AOC2: variants seen among roughly 807,000 people sequenced by gnomAD.
AOC2 encodes amine oxidase copper containing 2.
Under a neutral mutation model 53.8 loss-of-function variants are expected in AOC2, and 57 were observed. That is an observed-to-expected ratio of 1.06 (90% CI 0.86 to 1.32). The LOEUF (loss-of-function observed/expected upper bound fraction) is 1.32, where lower values mean the gene tolerates loss of function less well. Among genes scored for constraint, AOC2 ranks in the 40% most tolerant of loss-of-function variants. The pLI, the probability that AOC2 is intolerant of heterozygous loss-of-function variation, is 0.00. For missense variants in AOC2, 1,008 were observed against 957.2 expected, an observed-to-expected ratio of 1.05 and a Z score of -0.70; for synonymous variants, 404 against 399.0, an observed-to-expected ratio of 1.01 and a Z score of -0.15.
intron 1 of AOC2, among the ~76,000 whole-genome samples, chr17:42,846,935 CCT>C (rs2055604327): frequency 1.3e-5 from 2 of 152,200 alleles, no homozygotes; most frequent in South Asian, 4.1e-4. Flanking sequence ...CTCACCAGAC[CCT>C]CTCCATTTTA....
intron 2 of AOC2, 115 bp downstream of exon 2, chr17:42,849,486 C>T: frequency 1.3e-6 from 2 of 1,585,238 alleles, no homozygotes; most frequent in South Asian, 1.1e-5. Context: ...CCCCTCAAAC[C>T]CAAGTTAGAT....
In AOC2 at chr17:42,845,802, G is replaced by T. The variant is rs746825253; in HGVS notation, c.1176G>T (p.Leu392Phe). Residue 392 changes from leucine (L) to phenylalanine (F), a missense_variant, in exon 1 of 4, where the codon TTG (leucine) becomes TTT (phenylalanine). Coordinates refer to ENST00000253799, the MANE Select transcript of AOC2 (RefSeq NM_009590.4). ...GACTCGGCCGTAACAGCCGAGGCTT[G>T]GTGCGGGGAGTGGACTGCCCCTATC... ...SFGLGRNSRG[L>F]VRGVDCPYQA... 2 of 1,614,208 alleles carry T rather than the reference G, an allele frequency of 1.2e-6. No homozygotes were observed. The highest frequency in any genetic ancestry group is 1.7e-6 in the Non-Finnish European group (2 of 1,180,042).
In AOC2 at chr17:42,844,649, C is replaced by T. The variant is rs776084904; in HGVS notation, c.23C>T (p.Ala8Val). Residue 8 changes from alanine to valine, a missense_variant, in exon 1 of 4, where the codon GCG becomes GTG. Transcript: ENST00000253799. ...ACCATGCATCTCAAGATAGTCCTGGCGTTCCTGGCACTGTCCCTCATTACC... is the reference window on the plus strand; with the variant it reads ...ACCATGCATCTCAAGATAGTCCTGGTGTTCCTGGCACTGTCCCTCATTACC... MHLKIVL[A>V]FLALSLITIF... 2.9e-5 allele frequency: 47 copies of T among 1,612,766 alleles called. 1 individual carries two copies. The highest frequency in any genetic ancestry group is 3.8e-5 in the Non-Finnish European group (45 of 1,179,134).
chr17:42,846,658 G>T (rs2144274289), intron 1 of AOC2, among the ~76,000 whole-genome samples: 1 of 152,252 alleles, frequency 6.6e-6, no homozygotes, highest in East Asian at 1.9e-4. Flanking sequence ...TCTTCAGGGT[G>T]GGGGTCGACC....
In AOC2 at chr17:42,844,684, C is replaced by T; in HGVS notation, c.58C>T (p.Leu20=). Residue 20 remains leucine (L), a synonymous_variant, in exon 1 of 4, where the codon CTG becomes TTG. Transcript: ENST00000253799. ...LALSLITIFA[L]AYVLLTSPGG... ...ACTGTCCCTCATTACCATCTTTGCC[C>T]TGGCCTATGTTTTGCTGACCAGCCC... The T allele has an allele frequency of 6.2e-7, 1 of 1,614,230 alleles. No individual in the cohort carries two copies. Among genetic ancestry groups the T allele is most frequent in the Non-Finnish European group, 8.5e-7 (1 of 1,180,036 alleles).
intron 1 of AOC2, among the ~76,000 whole-genome samples, chr17:42,848,209 C>CA (rs1189736679): frequency 6.6e-6 from 1 of 151,484 alleles, no homozygotes; most frequent in Non-Finnish European, 1.5e-5. Flanking sequence ...GCTCAGGAGT[C>CA]AGTTTTTCAG....
chr17:42,848,671 T>G (rs1394331872), intron 1 of AOC2, among the ~76,000 whole-genome samples: 1 of 151,366 alleles, frequency 6.6e-6, no homozygotes, highest in African/African-American at 2.4e-5. Context: ...CTACCCCAGC[T>G]TCCCAAGTAA....
rs140304345 is a variant in AOC2, at chr17:42,845,940, C to A, written c.1314C>A (p.His438Gln). The change falls in exon 1 of 4, where the codon CAC becomes CAA. Residue 438 changes from histidine (H) to glutamine (Q), a missense_variant. His to Gln is a conservative substitution (Grantham distance 24, BLOSUM62 0). Transcript: ENST00000253799. ...EAQGLPLRRH[H>Q]NYLQNHFYGG... Reference sequence around the variant, plus strand: ...AGGGACTGCCCCTTCGAAGGCACCACAATTACCTTCAAAATCATTTCTATG... The same window carrying A: ...AGGGACTGCCCCTTCGAAGGCACCAAAATTACCTTCAAAATCATTTCTATG... The A allele has an allele frequency of 6.8e-6, 11 of 1,614,074 alleles. No homozygotes were observed. Among genetic ancestry groups the A allele is most frequent in the Middle Eastern group, 1.6e-4 (1 of 6,084 alleles).
rs1390376676 is a variant in AOC2, at chr17:42,844,673, C to G, written c.47C>G (p.Thr16Ser). Residue 16 changes from threonine (T) to serine (S), a missense_variant, in exon 1 of 4, where the codon ACC becomes AGC. Transcript: ENST00000253799. ...VLAFLALSLI[T>S]IFALAYVLLT... is the part of the protein sequence containing the mutation. ...GCGTTCCTGGCACTGTCCCTCATTACCATCTTTGCCCTGGCCTATGTTTTG... is the reference window on the plus strand; with the variant it reads ...GCGTTCCTGGCACTGTCCCTCATTAGCATCTTTGCCCTGGCCTATGTTTTG... The G allele has an allele frequency of 3.7e-6, 6 of 1,614,040 alleles. No individual in the cohort carries two copies. In the Admixed American group the frequency reaches 5.0e-5, roughly 13 times the overall value.
At chr17:42,848,534 T>TACATATATATATATATATATATAC (rs1567686480) in intron 1 of AOC2, among the ~76,000 whole-genome samples, 3 of 140,888 alleles carry the variant, frequency 2.1e-5, no homozygotes, top group African/African-American at 8.6e-5. Context: ...AATATATATA[T>TACATATATATATATATATATATAC]ATATATATAT....
chr17:42,846,246 G>A, intron 1 of AOC2, 32 bp downstream of exon 1: 1 of 1,501,156 alleles, frequency 6.7e-7, no homozygotes, highest in Non-Finnish European at 8.9e-7. Context: ...ATGGAGACTT[G>A]GGGGCGGGGT....
Position 42,845,942 on chromosome 17 carries a change from A to T in AOC2, c.1316A>T (p.Asn439Ile), listed in dbSNP as rs201841667. The change falls in exon 1 of 4, where the codon AAT becomes ATT. Residue 439 changes from asparagine (N) to isoleucine (I), a missense_variant. Transcript: ENST00000253799. ...AQGLPLRRHHNYLQNHFYGGL... is the reference protein window; with the variant it reads ...AQGLPLRRHHIYLQNHFYGGL... ...GGACTGCCCCTTCGAAGGCACCACAATTACCTTCAAAATCATTTCTATGGT... is the reference window on the plus strand; with the variant it reads ...GGACTGCCCCTTCGAAGGCACCACATTTACCTTCAAAATCATTTCTATGGT... 6.2e-7 allele frequency: 1 copy of T among 1,614,182 alleles called. No individual in the cohort carries two copies. The highest frequency in any genetic ancestry group is 8.5e-7 in the Non-Finnish European group (1 of 1,180,028).
chr17:42,850,170 G>A lies in AOC2; in HGVS notation c.2093G>A (p.Gly698Asp), dbSNP rs1228371410. Residue 698 changes from glycine to aspartate, a missense_variant, in exon 4 of 4, where the codon GGC becomes GAC. Coordinates refer to ENST00000253799, the MANE Select transcript of AOC2 (RefSeq NM_009590.4). The stretch of plus-strand genomic sequence containing the variant: ...ACAGTGACTCTGGGGAACAGAGTTG[G>A]CTTCTTGCTCCGACCCTATAACTTC... ...PNTVTLGNRV[G>D]FLLRPYNFFD... 1 of 1,614,168 alleles carries A rather than the reference G, an allele frequency of 6.2e-7. No homozygotes were observed. Among genetic ancestry groups the A allele is most frequent in the Non-Finnish European group, 8.5e-7 (1 of 1,180,032 alleles).
At chr17:42,848,941 G>T in intron 1 of AOC2, 145 bp from the exon 2 acceptor site, 1 of 891,440 alleles carries the variant, frequency 1.1e-6, no homozygotes, top group South Asian at 1.9e-5. Context: ...CTCTTGCCCA[G>T]ACCTCCTGGC....
At position 42,850,631 on chromosome 17, in the gene AOC2, G is replaced by T. The variant is rs779822899; in HGVS notation, c.*283G>T. The T allele has an allele frequency of 6.5e-6, 2 of 308,854 alleles. No individual in the cohort carries two copies. Among genetic ancestry groups the T allele is most frequent in the Non-Finnish European group, 1.2e-5 (2 of 170,178 alleles). 19.1% of individuals were successfully genotyped at this position (308,854 alleles called of 1,614,324 possible). ...ACATCAGACATCTCTTTATGCATGT[G>T]CATTCAAAAGGAAGAGTAGATAGAA... On this transcript the variant is annotated 3_prime_UTR_variant, in exon 4 of 4. Coordinates refer to ENST00000253799, the MANE Select transcript of AOC2 (RefSeq NM_009590.4).
At position 42,845,301 on chromosome 17, in the gene AOC2, T is replaced by A. The variant is rs1285344444; in HGVS notation, c.675T>A (p.His225Gln). The A allele has an allele frequency of 1.2e-6, 2 of 1,614,024 alleles. No individual in the cohort carries two copies. The highest frequency in any genetic ancestry group is 1.7e-6 in the Non-Finnish European group (2 of 1,180,020). The change falls in exon 1 of 4, where the codon CAT (histidine) becomes CAA (glutamine). Residue 225 changes from histidine (H) to glutamine (Q), a missense_variant. By Grantham distance (24) the His-to-Gln change is conservative (BLOSUM62 0). Coordinates refer to ENST00000253799, the MANE Select transcript of AOC2 (RefSeq NM_009590.4). ...GDRATWMALY[H>Q]NISGVGLFLH... Reference sequence around the variant, plus strand: ...GAGCTACCTGGATGGCCCTCTACCATAACATCTCAGGGGTTGGTCTTTTCC... The same window carrying A: ...GAGCTACCTGGATGGCCCTCTACCAAAACATCTCAGGGGTTGGTCTTTTCC...
Sources: gnomAD v4.1 joint callset for allele counts (sites outside exome capture counted in the v4.1 genomes callset) on GRCh38, gnomAD v4.1.1 for gene constraint, MANE v1.5 for transcripts, NCBI Gene and HGNC (gene_info 2026-07-23, HGNC 2026-07-21) for gene names.